Variants in DSE observed in about 807,000 individuals in gnomAD.
The protein encoded by DSE is dermatan sulfate epimerase.
In DSE, 36 loss-of-function variants were observed where a neutral mutation model predicts 84.4. The ratio of observed to expected loss-of-function variants is 0.43; its 90% CI spans 0.33 to 0.56. DSE has a LOEUF of 0.56. Ranked by LOEUF, DSE falls within the 20% of genes least tolerant of loss-of-function variation. DSE has a pLI of 0.06. For missense variants in DSE, 862 were observed against 1,169.6 expected (o/e 0.74, Z 3.84); for synonymous variants, 410 against 430.1 (o/e 0.95, Z 0.58).
intron 2 of DSE, among the ~76,000 whole-genome samples, chr6:116,401,645 C>A (rs1583176408): frequency 6.6e-6 from 1 of 152,048 alleles, no homozygotes; most frequent in Non-Finnish European, 1.5e-5. Context: ...CACACCCAAC[C>A]CTTAGACTTT....
intron 1 of DSE, among the ~76,000 whole-genome samples, chr6:116,385,448 G>C (rs904234782): frequency 1.3e-5 from 2 of 151,972 alleles, no homozygotes; most frequent in Non-Finnish European, 2.9e-5. Context: ...AAAAGTGGCT[G>C]GATTCTGGAC....
intron 1 of DSE, among the ~76,000 whole-genome samples, chr6:116,380,979 A>G (rs145468025): frequency 1.1e-3 from 163 of 152,234 alleles, no homozygotes; most frequent in Middle Eastern, 3.4e-3. Flanking sequence ...CTCTTCTGTA[A>G]ATTTCAGTTG....
intron 2 of DSE, among the ~76,000 whole-genome samples, chr6:116,271,929 G>T (rs1772897083): frequency 6.6e-6 from 1 of 152,144 alleles, no homozygotes; most frequent in African/African-American, 2.4e-5. Context: ...CCCAACTCAA[G>T]ATATGGAGCA....
chr6:116,345,357 C>T (rs1008191078), intron 2 of DSE, among the ~76,000 whole-genome samples: 1 of 152,204 alleles, frequency 6.6e-6, no homozygotes. Context: ...AAATTGACCA[C>T]ATAGTTGGAA....
chr6:116,430,102 A>G (rs1481681838), intron 3 of DSE, among the ~76,000 whole-genome samples: 1 of 152,200 alleles, frequency 6.6e-6, no homozygotes, highest in East Asian at 1.9e-4. Flanking sequence ...CAGATGGAAG[A>G]ATTGCTTGGA....
rs550144914 is a variant in DSE, at chr6:116,263,357, CTTCT to C, written c.-54+4393_-54+4396del. 1.6e-4 allele frequency among the ~76,000 whole-genome samples: 21 copies of C among 130,456 alleles called. 1 individual carries two copies. In the South Asian group the frequency reaches 5.6e-3, roughly 35 times the overall value. 85.6% of individuals were successfully genotyped at this position (130,456 alleles called of 152,430 possible). A position where few individuals can be genotyped will look rare whatever the true frequency, so the allele number is the denominator to read the frequency against. Reference sequence around the variant, plus strand: ...TACTGTTTTGCCATTATGTAATGCCCTTCTTTGTCTTTTTTTTTTTTATCTTTGT... The same window carrying C: ...TACTGTTTTGCCATTATGTAATGCCCTTGTCTTTTTTTTTTTTATCTTTGT... On this transcript the variant is annotated intron_variant, in intron 2 of 3. Coordinates refer to the DSE transcript ENST00000430252.
chr6:116,364,570 G>T (rs1482649217), intron 2 of DSE, among the ~76,000 whole-genome samples: 2 of 152,210 alleles, frequency 1.3e-5, no homozygotes, highest in African/African-American at 4.8e-5. Flanking sequence ...TAATACTCAG[G>T]CAGCAGAAAC....
chr6:116,389,943 A>G (rs944618239), intron 1 of DSE, among the ~76,000 whole-genome samples: 4 of 151,320 alleles, frequency 2.6e-5, no homozygotes, highest in African/African-American at 9.7e-5. Flanking sequence ...GTAATACAGT[A>G]CTACAGTTTT....
chr6:116,404,414 A>G (rs1781787986), intron 2 of DSE, among the ~76,000 whole-genome samples: 1 of 152,210 alleles, frequency 6.6e-6, no homozygotes. Flanking sequence ...ATCCATTTCC[A>G]AGCAGCAGGC....
chr6:116,415,576 G>T (rs1160561539), intron 2 of DSE, among the ~76,000 whole-genome samples: 20 of 103,674 alleles, frequency 1.9e-4, no homozygotes, highest in Admixed American at 4.1e-4. Context: ...TTTTTCACAT[G>T]TTTAACCTCT....
At chr6:116,278,852 T>G in intron 2 of DSE, 1 of 1,614,184 alleles carries the variant, frequency 6.2e-7, no homozygotes, top group Non-Finnish European at 8.5e-7. Context: ...TAGGGGTTTC[T>G]TCTAAAGAAG....
At chr6:116,293,987 T>C (rs1774481752) in intron 2 of DSE, among the ~76,000 whole-genome samples, 1 of 152,194 alleles carries the variant, frequency 6.6e-6, no homozygotes, top group African/African-American at 2.4e-5. Context: ...AACTAGCTAA[T>C]AGTTAATAAA....
At chr6:116,332,479 C>T (rs1777010504) in intron 2 of DSE, among the ~76,000 whole-genome samples, 2 of 151,782 alleles carry the variant, frequency 1.3e-5, no homozygotes, top group Non-Finnish European at 1.5e-5. Context: ...ATAGACAAGA[C>T]ACTCTTGAAT....
intron 2 of DSE, among the ~76,000 whole-genome samples, chr6:116,418,274 G>T (rs887626367): frequency 2.0e-5 from 3 of 152,140 alleles, no homozygotes; most frequent in Non-Finnish European, 4.4e-5. Flanking sequence ...TTGGAAACTT[G>T]TTAGTGTTTA....
chr6:116,425,592 T>C (rs1352299075), intron 2 of DSE, among the ~76,000 whole-genome samples: 1 of 139,906 alleles, frequency 7.1e-6, no homozygotes, highest in Non-Finnish European at 1.6e-5. Flanking sequence ...ATGTAATTCT[T>C]TTTTTTATTT....
rs575626967 is a variant in DSE at position 116,278,082 on chromosome 6, C to T, written c.-54+19115C>T. On this transcript the variant is annotated intron_variant, in intron 2 of 3. Transcript: ENST00000430252. ...TGCTTTTCTCCTCTGAGTTCATTAA[C>T]GTCCAGTAACTGTCCACAGGGCATG... is the stretch of plus-strand genomic sequence containing the variant. 8.0e-4 allele frequency: 151 copies of T among 187,616 alleles called. 2 individuals carry two copies. The South Asian group carries it at 0.014, about 17-fold the overall frequency. 11.6% of individuals were successfully genotyped at this position (187,616 alleles called of 1,614,324 possible).
chr6:116,297,902 G>T (rs949133030), intron 2 of DSE, among the ~76,000 whole-genome samples: 1 of 152,108 alleles, frequency 6.6e-6, no homozygotes, highest in Non-Finnish European at 1.5e-5. Context: ...TGGGTTAAAG[G>T]TTCAGACATA....
chr6:116,397,207 CTTTT>C (rs11296951), intron 1 of DSE, among the ~76,000 whole-genome samples: 1 of 105,184 alleles, frequency 9.5e-6, no homozygotes, highest in Non-Finnish European at 1.9e-5. Context: ...CTCTTTCTTT[CTTTT>C]TTTTTTTTTT....
chr6:116,294,650 A>C (rs1774541813), intron 2 of DSE, among the ~76,000 whole-genome samples: 1 of 152,168 alleles, frequency 6.6e-6, no homozygotes, highest in South Asian at 2.1e-4. Flanking sequence ...GGAAGTGAGA[A>C]GATGTCAGGA....
Sources: allele counts gnomAD v4.1 joint callset (sites outside exome capture counted in the v4.1 genomes callset), GRCh38; gene constraint gnomAD v4.1.1; transcripts MANE v1.5; gene names NCBI Gene and HGNC (gene_info 2026-07-23, HGNC 2026-07-21).